Variants in PCDHA4 observed in about 807,000 individuals in gnomAD.
The protein encoded by PCDHA4 is protocadherin alpha 4, also known as protocadherin alpha-4.
In PCDHA4, 49 loss-of-function variants were observed where a neutral mutation model predicts 61.4. The ratio of observed to expected loss-of-function variants is 0.80; its 90% CI spans 0.63 to 1.01. The LOEUF is 1.01. PCDHA4 is among the 50% of genes least tolerant of loss of function. The pLI is 0.00. For synonymous variants in PCDHA4, 590 were observed against 550.3 expected (o/e 1.07, Z -1.01); for missense variants, 1,254 against 1,235.8 (o/e 1.01, Z -0.22).
At chr5:140,848,621 C>T (rs2150415318) in intron 1 of PCDHA4, 1 of 1,593,480 alleles carries the variant, frequency 6.3e-7, no homozygotes, top group Non-Finnish European at 8.6e-7. Context: ...CCGAACACGG[C>T]ACCTTCGTGG....
intron 1 of PCDHA4, chr5:140,884,515 G>T: frequency 6.2e-6 from 10 of 1,614,176 alleles, no homozygotes; most frequent in South Asian, 1.1e-5. Context: ...GGAGTTGGTC[G>T]TACTCGCAGC....
chr5:140,957,778 A>G (rs1554223119), intron 1 of PCDHA4, among the ~76,000 whole-genome samples: 4 of 152,122 alleles, frequency 2.6e-5, no homozygotes, highest in African/African-American at 9.7e-5. Context: ...AGTAAAAACT[A>G]AGTTCATCAT....
chr5:140,890,344 A>G (rs1482265903), intron 1 of PCDHA4, among the ~76,000 whole-genome samples: 1 of 152,196 alleles, frequency 6.6e-6, no homozygotes, highest in Admixed American at 6.5e-5. Context: ...GGGATGGTTT[A>G]CTATATAGCA....
intron 1 of PCDHA4, among the ~76,000 whole-genome samples, chr5:140,908,097 G>A (rs184366035): frequency 2.6e-5 from 4 of 152,212 alleles, no homozygotes; most frequent in African/African-American, 9.6e-5. Flanking sequence ...ACTGATTGAA[G>A]TTCTGTCCAC....
chr5:140,830,262 C>G lies in PCDHA4; in HGVS notation c.2385+20690C>G, dbSNP rs151257683. 6.1e-5 allele frequency: 99 copies of G among 1,613,546 alleles called. No individual in the cohort carries two copies. Among genetic ancestry groups the G allele is most frequent in the Non-Finnish European group, 7.2e-5 (85 of 1,179,698 alleles). ...CTGCTGTACACAGCGCTGCGGTGCT[C>G]GGCGCCACCCACCGAGGGCGCGTGC... On this transcript the variant is annotated intron_variant, in intron 1 of 3. Transcript: ENST00000530339.
intron 1 of PCDHA4, chr5:140,966,642 G>A (rs897727830): frequency 8.9e-7 from 1 of 1,117,790 alleles, no homozygotes; most frequent in East Asian, 3.1e-5. Flanking sequence ...GCGCTTTCTA[G>A]AGCGTGAGCG....
At chr5:140,841,979 C>A (rs1316425759) in intron 1 of PCDHA4, 1 of 1,613,850 alleles carries the variant, frequency 6.2e-7, no homozygotes, top group East Asian at 2.2e-5. Context: ...TGGGGGCAAA[C>A]CTGAGCTCAC....
At chr5:140,917,070 G>A (rs528403297) in intron 1 of PCDHA4, among the ~76,000 whole-genome samples, 14 of 152,102 alleles carry the variant, frequency 9.2e-5, no homozygotes, top group Non-Finnish European at 1.9e-4. Context: ...ACAGCACCGA[G>A]TTTAATGTAA....
At chr5:140,938,210 T>G (rs1355577102) in intron 1 of PCDHA4, among the ~76,000 whole-genome samples, 2 of 152,140 alleles carry the variant, frequency 1.3e-5, no homozygotes, top group East Asian at 3.8e-4. Flanking sequence ...CCTCCCAAAG[T>G]GCTGGGATTA....
intron 1 of PCDHA4, chr5:140,930,415 G>T (rs2086824319): frequency 6.6e-6 from 1 of 151,804 alleles, no homozygotes; most frequent in African/African-American, 2.4e-5. Flanking sequence ...TGAGACAGGG[G>T]TCTCACTATG....
intron 1 of PCDHA4, chr5:140,822,508 AT>A: frequency 6.2e-7 from 1 of 1,613,962 alleles, no homozygotes; most frequent in Non-Finnish European, 8.5e-7. Flanking sequence ...TGATAAATCC[AT>A]TTATAATGTC....
chr5:140,826,174 C>T (rs1554130474), intron 1 of PCDHA4, among the ~76,000 whole-genome samples: 1 of 152,112 alleles, frequency 6.6e-6, no homozygotes, highest in Non-Finnish European at 1.5e-5. Flanking sequence ...TTTTGTCATT[C>T]TATAAATCTA....
intron 1 of PCDHA4, among the ~76,000 whole-genome samples, chr5:140,886,340 G>A (rs2060950327): frequency 6.6e-6 from 1 of 151,864 alleles, no homozygotes; most frequent in East Asian, 1.9e-4. Flanking sequence ...TGTGCAGAAC[G>A]TGCAGGTTTG....
intron 1 of PCDHA4, chr5:140,967,975 T>C (rs781819149): frequency 3.2e-5 from 52 of 1,614,016 alleles, no homozygotes; most frequent in African/African-American, 5.3e-5. Context: ...TGAGCCTGGG[T>C]CTGGAGGCCA....
rs781950915 is a variant in PCDHA4 at position 140,855,998 on chromosome 5, G to A, written c.2385+46426G>A. On this transcript the variant is annotated intron_variant, in intron 1 of 3. Coordinates refer to ENST00000530339, the MANE Select transcript of PCDHA4 (RefSeq NM_018907.4). ...TAGGACAGAAAATGTCAGATCGTAT[G>A]TGCGTTCTAGACCGCTGATTCGTCG... 3.7e-5 allele frequency: 56 copies of A among 1,511,288 alleles called. 3 individuals are homozygous for A. Among genetic ancestry groups the A allele is most frequent in the Non-Finnish European group, 4.9e-5 (55 of 1,120,558 alleles). 93.6% of individuals were successfully genotyped at this position (1,511,288 alleles called of 1,614,324 possible). A position where few individuals can be genotyped will look rare whatever the true frequency, so the allele number is the denominator to read the frequency against.
intron 1 of PCDHA4, among the ~76,000 whole-genome samples, chr5:140,956,457 G>T (rs1197742299): frequency 2.0e-5 from 3 of 152,184 alleles, no homozygotes; most frequent in African/African-American, 7.2e-5. Flanking sequence ...TACATTTATT[G>T]ATTTGCATAT....
rs1181136155 is a variant in PCDHA4, at chr5:140,966,778, G to C, written c.2386-12171G>C. Reference sequence around the variant, plus strand: ...CGCGGCCAGTGGCTATGGAGCAGGCGGGCACCAGACCTGCGGCGACAGAGC... The same window carrying C: ...CGCGGCCAGTGGCTATGGAGCAGGCCGGCACCAGACCTGCGGCGACAGAGC... On this transcript the variant is annotated intron_variant, in intron 1 of 3. Transcript: ENST00000530339. The C allele has an allele frequency of 4.0e-6, 6 of 1,512,380 alleles. No homozygotes were observed. The African/African-American group carries it at 8.3e-5, about 21-fold the overall frequency. The allele number at this position is 1,512,380 out of a possible 1,614,324, so 93.7% of individuals were successfully genotyped here. A position where few individuals can be genotyped will look rare whatever the true frequency, so the allele number is the denominator to read the frequency against.
At chr5:140,829,777 G>A (rs2150174439) in intron 1 of PCDHA4, 2 of 1,613,742 alleles carry the variant, frequency 1.2e-6, no homozygotes, top group Non-Finnish European at 8.5e-7. Flanking sequence ...ACGACAACGC[G>A]CCGGCGCTGC....
At chr5:140,971,376 C>CT (rs1334633165) in intron 1 of PCDHA4, among the ~76,000 whole-genome samples, 1 of 152,164 alleles carries the variant, frequency 6.6e-6, no homozygotes, top group Non-Finnish European at 1.5e-5. Context: ...GAGTGCATGA[C>CT]TTTAATAAAG....
Sources: gnomAD v4.1 joint callset for allele counts (sites outside exome capture counted in the v4.1 genomes callset) on GRCh38, gnomAD v4.1.1 for gene constraint, MANE v1.5 for transcripts, NCBI Gene and HGNC (gene_info 2026-07-23, HGNC 2026-07-21) for gene names.